The following GRIK2 variants were observed in gnomAD, a reference collection of about 807,000 sequenced individuals.
GRIK2 encodes glutamate receptor ionotropic, kainate 2.
GRIK2 carries 32 observed loss-of-function variants against 100.3 expected under a neutral mutation model. The observed-to-expected ratio is 0.32, with a 90% CI of 0.24 to 0.43. GRIK2 has a LOEUF of 0.43. Among genes scored for constraint, GRIK2 ranks in the 20% least tolerant of loss-of-function variants. The pLI is 1.00. For missense variants in GRIK2, 843 were observed against 1,114.9 expected (o/e 0.76, Z 3.47); for synonymous variants, 417 against 389.4 (o/e 1.07, Z -0.83).
chr6:101,760,354 TTATATTTAATTA>T (rs1341841792), intron 7 of GRIK2, among the ~76,000 whole-genome samples: 13 of 94,786 alleles, frequency 1.4e-4, no homozygotes, highest in South Asian at 3.2e-4. Flanking sequence ...ATATAATTAA[TTATATTTAATTA>T]TATATTTATT....
At chr6:101,434,096 G>C (rs1286145493) in intron 2 of GRIK2, among the ~76,000 whole-genome samples, 1 of 152,154 alleles carries the variant, frequency 6.6e-6, no homozygotes, top group Non-Finnish European at 1.5e-5. Flanking sequence ...GTGGCCATGG[G>C]GTGTTTTAGA....
intron 4 of GRIK2, among the ~76,000 whole-genome samples, chr6:101,668,941 T>A (rs1770229422): frequency 6.6e-6 from 1 of 152,024 alleles, no homozygotes; most frequent in African/African-American, 2.4e-5. Context: ...TCTGTCCCTG[T>A]AAGATAAAGA....
intron 2 of GRIK2, among the ~76,000 whole-genome samples, chr6:101,455,129 A>G (rs1430207857): frequency 6.6e-6 from 1 of 152,038 alleles, no homozygotes; most frequent in East Asian, 1.9e-4. Flanking sequence ...GTAGTGGGTC[A>G]TGGGGATTAG....
In GRIK2 at chr6:101,606,750, G is replaced by T. The variant is rs538131; in HGVS notation, c.116-15199G>T. On this transcript the variant is annotated intron_variant, in intron 2 of 16. Transcript: ENST00000369134. ...TTAAATATATAAAATGCAAACAAAA[G>T]GTACCAGAGAAAACTCAGGTGGATT... Among the ~76,000 whole-genome samples the T allele has an allele frequency of 1.9e-3, 291 of 151,970 alleles. 2 individuals carry two copies. Among genetic ancestry groups the T allele is most frequent in the African/African-American group, 6.9e-3 (288 of 41,474 alleles).
At chr6:101,944,775 T>A (rs1791172815) in intron 14 of GRIK2, among the ~76,000 whole-genome samples, 1 of 151,990 alleles carries the variant, frequency 6.6e-6, no homozygotes, top group South Asian at 2.1e-4. Context: ...ATTTTTCACA[T>A]TTTTTTAAAG....
At chr6:101,625,184 T>C (rs958873859) in intron 3 of GRIK2, among the ~76,000 whole-genome samples, 1 of 151,860 alleles carries the variant, frequency 6.6e-6, no homozygotes, top group Non-Finnish European at 1.5e-5. Context: ...TCATCCTGGC[T>C]AACATGGTGA....
intron 4 of GRIK2, among the ~76,000 whole-genome samples, chr6:101,647,741 G>A (rs1582888388): frequency 6.6e-6 from 1 of 151,880 alleles, no homozygotes; most frequent in Non-Finnish European, 1.5e-5. Context: ...TTTTAAAAGG[G>A]CAGGCAATAT....
At chr6:101,528,558 T>G (rs749756187) in intron 2 of GRIK2, among the ~76,000 whole-genome samples, 1 of 152,242 alleles carries the variant, frequency 6.6e-6, no homozygotes, top group South Asian at 2.1e-4. Context: ...CAAACCTGAC[T>G]CTACCATAGA....
chr6:101,743,003 G>T (rs545699916), intron 7 of GRIK2, among the ~76,000 whole-genome samples: 3 of 152,314 alleles, frequency 2.0e-5, no homozygotes, highest in African/African-American at 4.8e-5. Flanking sequence ...TTAAGGAAAA[G>T]TGAGGTAACT....
rs534251822 is a variant in GRIK2 at position 101,476,439 on chromosome 6, C to T, written c.115+77047C>T. Among the ~76,000 whole-genome samples the T allele has an allele frequency of 1.8e-4, 28 of 152,190 alleles. No individual in the cohort carries two copies. In the South Asian group the frequency reaches 3.7e-3, roughly 20 times the overall value. Reference sequence around the variant, plus strand: ...AGTTCATTGGTGGGAACTTTTCAAACGGACAGCTAGCTGAGAACAAGTTGA... The same window carrying T: ...AGTTCATTGGTGGGAACTTTTCAAATGGACAGCTAGCTGAGAACAAGTTGA... On this transcript the variant is annotated intron_variant, in intron 2 of 16. Transcript: ENST00000369134.
At chr6:101,598,006 C>T (rs550296024) in intron 2 of GRIK2, among the ~76,000 whole-genome samples, 3 of 151,798 alleles carry the variant, frequency 2.0e-5, no homozygotes, top group Admixed American at 6.6e-5. Context: ...CCTTGATTAT[C>T]CCAAATACCA....
chr6:101,435,038 C>T (rs1769636658), intron 2 of GRIK2, among the ~76,000 whole-genome samples: 1 of 152,108 alleles, frequency 6.6e-6, no homozygotes, highest in South Asian at 2.1e-4. Context: ...TCACATAGTC[C>T]CAACTCTTAG....
intron 2 of GRIK2, among the ~76,000 whole-genome samples, chr6:101,532,336 G>A (rs1215924100): frequency 6.6e-6 from 1 of 151,874 alleles, no homozygotes; most frequent in Non-Finnish European, 1.5e-5. Flanking sequence ...TGATAGGTCT[G>A]ATCACTCCTC....
At chr6:102,051,078 T>C (rs1771153813) in intron 15 of GRIK2, among the ~76,000 whole-genome samples, 1 of 152,194 alleles carries the variant, frequency 6.6e-6, no homozygotes, top group South Asian at 2.1e-4. Flanking sequence ...TCTGGATAGA[T>C]ACATTTGTAG....
chr6:101,829,427 T>A (rs931342834), intron 10 of GRIK2, among the ~76,000 whole-genome samples: 1 of 151,938 alleles, frequency 6.6e-6, no homozygotes, highest in Admixed American at 6.6e-5. Flanking sequence ...ATAAAAGGCA[T>A]CCAAATAGGA....
chr6:101,580,915 A>T (rs1778049998), intron 2 of GRIK2, among the ~76,000 whole-genome samples: 1 of 151,932 alleles, frequency 6.6e-6, no homozygotes, highest in South Asian at 2.1e-4. Context: ...CATTCTATTA[A>T]AATTACTGCC....
intron 8 of GRIK2, 46 bp from the exon 9 acceptor site, chr6:101,802,285 C>A: frequency 1.4e-6 from 1 of 718,800 alleles, no homozygotes; most frequent in Non-Finnish European, 2.3e-6. Context: ...ATGTTTATTC[C>A]ATCTTTCTTC....
chr6:101,622,826 G>A (rs978506769), intron 3 of GRIK2, among the ~76,000 whole-genome samples: 1 of 151,824 alleles, frequency 6.6e-6, no homozygotes, highest in African/African-American at 2.4e-5. Flanking sequence ...ATGAAGGAAG[G>A]CAATAGAGAA....
intron 4 of GRIK2, among the ~76,000 whole-genome samples, chr6:101,657,575 T>C (rs1277095272): frequency 6.6e-6 from 1 of 152,188 alleles, no homozygotes; most frequent in African/African-American, 2.4e-5. Flanking sequence ...AAGAAAGCAA[T>C]GGCCAATTTG....
Sources: allele counts gnomAD v4.1 joint callset (sites outside exome capture counted in the v4.1 genomes callset), GRCh38; gene constraint gnomAD v4.1.1; transcripts MANE v1.5; gene names NCBI Gene and HGNC (gene_info 2026-07-23, HGNC 2026-07-21).